The following OPCML variants were observed in gnomAD, a reference collection of about 807,000 sequenced individuals.
OPCML encodes the protein opioid binding protein/cell adhesion molecule like, also known as opioid-binding protein/cell adhesion molecule.
A neutral mutation model predicts 37.8 loss-of-function variants in OPCML; 13 were observed. The observed-to-expected ratio is 0.34, with a 90% CI of 0.22 to 0.55. The LOEUF (loss-of-function observed/expected upper bound fraction) is 0.55. OPCML is among the 20% of genes least tolerant of loss of function. The probability of loss-of-function intolerance (pLI) is 0.91; values close to 1 mark genes in which losing one functional copy is unlikely to be tolerated. For missense variants in OPCML, 341 were observed against 435.6 expected (o/e 0.78, Z 1.93); for synonymous variants, 176 against 168.8 (o/e 1.04, Z -0.33).
rs377093402 is a variant in OPCML, at chr11:133,364,959, G to T, written c.61+167305C>A. Among the ~76,000 whole-genome samples the T allele has an allele frequency of 4.6e-5, 7 of 151,800 alleles. No homozygotes were observed. The East Asian group carries it at 5.8e-4, about 13-fold the overall frequency. ...TTAGTCACAACTTTTTCAAATATTT[G>T]ATTTGGAAGATTTTCACATGATCTG... On this transcript the variant is annotated intron_variant, in intron 1 of 7. Coordinates refer to ENST00000524381, the MANE Select transcript of OPCML (RefSeq NM_001012393.5).
At chr11:132,498,818 T>A (rs1418947618) in intron 4 of OPCML, among the ~76,000 whole-genome samples, 1 of 152,182 alleles carries the variant, frequency 6.6e-6, no homozygotes, top group Non-Finnish European at 1.5e-5. Flanking sequence ...CAAGACACAG[T>A]GCATGACTTT....
chr11:132,765,926 C>T (rs1946429182), intron 2 of OPCML, among the ~76,000 whole-genome samples: 1 of 152,012 alleles, frequency 6.6e-6, no homozygotes, highest in African/African-American at 2.4e-5. Flanking sequence ...TTCTGTCATG[C>T]CAGAGAGAAA....
chr11:132,709,316 C>T (rs1784521), intron 2 of OPCML, among the ~76,000 whole-genome samples: 13 of 151,826 alleles, frequency 8.6e-5, no homozygotes, highest in East Asian at 5.8e-4. Flanking sequence ...AGAGTTGCAA[C>T]GATAATACAG....
chr11:132,633,106 G>A (rs1337034866), intron 3 of OPCML, among the ~76,000 whole-genome samples: 1 of 152,122 alleles, frequency 6.6e-6, no homozygotes, highest in Non-Finnish European at 1.5e-5. Context: ...GGTGGTCCTA[G>A]GCTAATCGAA....
chr11:133,380,942 C>A (rs2136779853), intron 1 of OPCML, among the ~76,000 whole-genome samples: 1 of 152,238 alleles, frequency 6.6e-6, no homozygotes, highest in African/African-American at 2.4e-5. Context: ...GAGGTACGGA[C>A]CTAAGCTGTC....
At chr11:133,118,077 G>A (rs370095781) in intron 1 of OPCML, among the ~76,000 whole-genome samples, 12 of 152,144 alleles carry the variant, frequency 7.9e-5, no homozygotes, top group East Asian at 1.9e-4. Flanking sequence ...GAAACATGCC[G>A]CAGTCTGAGT....
At chr11:133,473,156 G>A (rs1467472619) in intron 1 of OPCML, among the ~76,000 whole-genome samples, 4 of 152,088 alleles carry the variant, frequency 2.6e-5, no homozygotes, top group South Asian at 2.1e-4. Flanking sequence ...ACTACTTCTG[G>A]AACTTGACTT....
intron 2 of OPCML, among the ~76,000 whole-genome samples, chr11:132,681,033 C>CG (rs1942919542): frequency 6.6e-6 from 1 of 152,192 alleles, no homozygotes; most frequent in South Asian, 2.1e-4. Flanking sequence ...GGCTGGCAGG[C>CG]GGGGGTTGCC....
At chr11:133,186,481 G>A (rs1371251599) in intron 1 of OPCML, among the ~76,000 whole-genome samples, 1 of 151,042 alleles carries the variant, frequency 6.6e-6, no homozygotes, top group Non-Finnish European at 1.5e-5. Context: ...TTAGAATACA[G>A]GAGAGATGAG....
At chr11:133,439,943 A>G (rs1455492187) in intron 1 of OPCML, among the ~76,000 whole-genome samples, 1 of 152,242 alleles carries the variant, frequency 6.6e-6, no homozygotes, top group African/African-American at 2.4e-5. Context: ...CATTAATGTA[A>G]CTAGATATGA....
intron 4 of OPCML, among the ~76,000 whole-genome samples, chr11:132,476,852 TAA>T (rs951473881): frequency 6.6e-6 from 1 of 150,932 alleles, no homozygotes; most frequent in African/African-American, 2.4e-5. Flanking sequence ...ATAAAAAAAT[TAA>T]AAAAAATTAA....
At chr11:133,480,384 G>A (rs1947348558) in intron 1 of OPCML, among the ~76,000 whole-genome samples, 1 of 152,192 alleles carries the variant, frequency 6.6e-6, no homozygotes. Context: ...GCCTTGCTCT[G>A]CACCTCGGCA....
At chr11:132,540,152 A>C (rs558547449) in intron 3 of OPCML, among the ~76,000 whole-genome samples, 2 of 152,302 alleles carry the variant, frequency 1.3e-5, no homozygotes, top group East Asian at 3.9e-4. Context: ...GATGAGCTGA[A>C]AGAGAGAGAT....
intron 2 of OPCML, among the ~76,000 whole-genome samples, chr11:132,672,449 C>A (rs1462173605): frequency 1.3e-5 from 2 of 152,194 alleles, no homozygotes; most frequent in Non-Finnish European, 2.9e-5. Flanking sequence ...CCATCTCCCA[C>A]CTTCATTAAG....
intron 1 of OPCML, among the ~76,000 whole-genome samples, chr11:133,235,554 C>A (rs964679449): frequency 6.6e-6 from 1 of 152,180 alleles, no homozygotes; most frequent in African/African-American, 2.4e-5. Flanking sequence ...AGCACCAGCA[C>A]CCAAGCTGCT....
chr11:133,519,004 G>A (rs572266278), intron 1 of OPCML, among the ~76,000 whole-genome samples: 13 of 152,062 alleles, frequency 8.5e-5, no homozygotes, highest in African/African-American at 1.2e-4. Flanking sequence ...TCTTCAACAC[G>A]GGAGGTCCTC....
chr11:133,147,208 G>A (rs938965526), intron 1 of OPCML, among the ~76,000 whole-genome samples: 11 of 152,238 alleles, frequency 7.2e-5, no homozygotes, highest in African/African-American at 2.2e-4. Context: ...CTTTCTACAC[G>A]CAGGCTTTGT....
intron 4 of OPCML, among the ~76,000 whole-genome samples, chr11:132,452,389 A>T (rs1340354079): frequency 2.0e-5 from 3 of 152,022 alleles, no homozygotes; most frequent in Non-Finnish European, 4.4e-5. Flanking sequence ...ATTTCCCACG[A>T]TCTCCAAGGC....
chr11:133,489,268 C>T (rs1947599939), intron 1 of OPCML, among the ~76,000 whole-genome samples: 1 of 151,296 alleles, frequency 6.6e-6, no homozygotes, highest in Admixed American at 6.6e-5. Flanking sequence ...GCAAAAGAAA[C>T]AATCAACAAA....
Sources: gnomAD v4.1 joint callset for allele counts (sites outside exome capture counted in the v4.1 genomes callset) on GRCh38, gnomAD v4.1.1 for gene constraint, MANE v1.5 for transcripts, NCBI Gene and HGNC (gene_info 2026-07-23, HGNC 2026-07-21) for gene names.